The following NF2 variants were observed in gnomAD, a reference collection of about 807,000 sequenced individuals.
NF2 encodes the protein merlin.
In NF2, 8 loss-of-function variants were observed where a neutral mutation model predicts 83.7. The ratio of observed to expected loss-of-function variants is 0.10; its 90% CI spans 0.06 to 0.17. The LOEUF (loss-of-function observed/expected upper bound fraction) is 0.17. Ranked by LOEUF, NF2 falls within the 10% of genes least tolerant of loss-of-function variation. The pLI, the probability that NF2 is intolerant of heterozygous loss-of-function variation, is 1.00. For missense variants in NF2, 533 were observed against 744.4 expected (o/e 0.72, Z 3.31); for synonymous variants, 266 against 269.6 (o/e 0.99, Z 0.13).
chr22:29,646,377 T>A (rs2065982618), intron 4 of NF2, among the ~76,000 whole-genome samples: 1 of 152,228 alleles, frequency 6.6e-6, no homozygotes, highest in South Asian at 2.1e-4. Flanking sequence ...TGTCACTGTC[T>A]AGCTTGAGGG....
chr22:29,620,633 G>A (rs1470235960), intron 1 of NF2, among the ~76,000 whole-genome samples: 1 of 151,866 alleles, frequency 6.6e-6, no homozygotes, highest in Non-Finnish European at 1.5e-5. Context: ...CAGCTACTTG[G>A]GAGGCTGAGG....
chr22:29,603,775 C>T lies in NF2; in HGVS notation c.-224C>T. On this transcript the variant is annotated 5_prime_UTR_variant, in exon 1 of 16. Coordinates refer to ENST00000338641, the MANE Select transcript of NF2 (RefSeq NM_000268.4). ...GCACCGAAGGTCCCGGCTCCTGTGCCCTCCCTGCAGCCGTCAGGGCCCGTC... is the reference window on the plus strand; with the variant it reads ...GCACCGAAGGTCCCGGCTCCTGTGCTCTCCCTGCAGCCGTCAGGGCCCGTC... 1.8e-6 allele frequency: 1 copy of T among 547,306 alleles called. No homozygotes were observed. The highest frequency in any genetic ancestry group is 2.5e-5 in the South Asian group (1 of 40,142). The allele number at this position is 547,306 out of a possible 1,614,324, so 33.9% of individuals were successfully genotyped here.
At chr22:29,655,131 A>G (rs909499231) in intron 5 of NF2, among the ~76,000 whole-genome samples, 4 of 152,160 alleles carry the variant, frequency 2.6e-5, no homozygotes, top group Admixed American at 2.0e-4. Flanking sequence ...CATCTTATTC[A>G]TTAGCCACAG....
chr22:29,690,199 G>A (rs1330667310), intron 15 of NF2, among the ~76,000 whole-genome samples: 1 of 152,264 alleles, frequency 6.6e-6, no homozygotes, highest in Non-Finnish European at 1.5e-5. Flanking sequence ...AGGAGGAACA[G>A]TTGAAGATGC....
At chr22:29,644,450 C>T (rs1445918102) in intron 4 of NF2, among the ~76,000 whole-genome samples, 1 of 149,030 alleles carries the variant, frequency 6.7e-6, no homozygotes, top group Admixed American at 6.7e-5. Flanking sequence ...GGCAGCCAGG[C>T]AGAGGGGCTC....
chr22:29,645,114 A>C (rs2065947859), intron 4 of NF2, among the ~76,000 whole-genome samples: 1 of 152,240 alleles, frequency 6.6e-6, no homozygotes, highest in Admixed American at 6.5e-5. Flanking sequence ...ATGCAATTTC[A>C]GATCAAAGCC....
At chr22:29,683,538 G>A (rs1242622371) in intron 15 of NF2, 18 of 1,117,792 alleles carry the variant, frequency 1.6e-5, no homozygotes, top group Non-Finnish European at 1.8e-5. Context: ...TGGTAGTGGG[G>A]CAAAAGGGTT....
chr22:29,613,653 T>C (rs992513330), intron 1 of NF2, among the ~76,000 whole-genome samples: 2 of 152,188 alleles, frequency 1.3e-5, no homozygotes, highest in African/African-American at 4.8e-5. Flanking sequence ...CATGGTCACC[T>C]GATTCTTGAC....
At chr22:29,649,073 C>T (rs1014147503) in intron 4 of NF2, among the ~76,000 whole-genome samples, 7 of 151,696 alleles carry the variant, frequency 4.6e-5, no homozygotes, top group African/African-American at 1.7e-4. Context: ...TAATATCTCT[C>T]TATAATAGAT....
At chr22:29,655,471 TG>T in intron 5 of NF2, 122 bp from the exon 6 acceptor site, 1 of 759,640 alleles carries the variant, frequency 1.3e-6, no homozygotes, top group Non-Finnish European at 2.3e-6. Context: ...ACTATCTCCC[TG>T]GGTGTAGCTT....
rs149872138 is a variant in NF2, at chr22:29,664,956, C to A, written c.811-34C>A. ...AATTGCTGGTAACATTCCAGGCTGTCGGACTGAAACTGTGTTCTGCTTCAT... is the reference window on the plus strand; with the variant it reads ...AATTGCTGGTAACATTCCAGGCTGTAGGACTGAAACTGTGTTCTGCTTCAT... On this transcript the variant is annotated intron_variant, in intron 8 of 15. Coordinates refer to ENST00000338641, the MANE Select transcript of NF2 (RefSeq NM_000268.4). 3 of 1,486,772 alleles carry A rather than the reference C, an allele frequency of 2.0e-6. No homozygotes were observed. In the South Asian group the frequency reaches 3.4e-5, roughly 17 times the overall value. 92.1% of individuals were successfully genotyped at this position (1,486,772 alleles called of 1,614,324 possible).
chr22:29,629,976 T>C (rs1255973862), intron 1 of NF2, among the ~76,000 whole-genome samples: 1 of 152,230 alleles, frequency 6.6e-6, no homozygotes, highest in Non-Finnish European at 1.5e-5. Flanking sequence ...CTTTTCAAAC[T>C]GTGGCCTTTT....
At chr22:29,642,803 C>G (rs1268539592) in intron 4 of NF2, among the ~76,000 whole-genome samples, 1 of 152,104 alleles carries the variant, frequency 6.6e-6, no homozygotes, top group Non-Finnish European at 1.5e-5. Flanking sequence ...TGTGTGGACA[C>G]TACACTACAC....
chr22:29,662,863 C>A (rs1293434183), intron 8 of NF2, among the ~76,000 whole-genome samples: 1 of 152,236 alleles, frequency 6.6e-6, no homozygotes, highest in Non-Finnish European at 1.5e-5. Flanking sequence ...CACTCAGTGA[C>A]CTCCTGGTAC....
Position 29,648,232 on chromosome 22 carries a change from C to G in NF2, c.447+5947C>G, listed in dbSNP as rs191842088. 1.6e-3 allele frequency among the ~76,000 whole-genome samples: 236 copies of G among 151,808 alleles called. 1 individual carries two copies. The highest frequency in any genetic ancestry group is 2.6e-3 in the Non-Finnish European group (176 of 67,924). ...GCATAGAATTGACAGAAGAGGTGAA[C>G]CCCAATATAAAAAAAATCTTAAGTT... is the stretch of plus-strand genomic sequence containing the variant. On this transcript the variant is annotated intron_variant, in intron 4 of 15. Coordinates refer to ENST00000338641, the MANE Select transcript of NF2 (RefSeq NM_000268.4).
At chr22:29,661,831 C>T (rs2857642) in intron 8 of NF2, among the ~76,000 whole-genome samples, 56,653 of 151,818 alleles carry the variant, frequency 0.37, 11,267 homozygotes, top group Non-Finnish European at 0.47. Context: ...TTTCTGTGTC[C>T]GGTGCTTGAT....
chr22:29,644,723 G>A (rs1264161065), intron 4 of NF2, among the ~76,000 whole-genome samples: 56 of 152,128 alleles, frequency 3.7e-4, no homozygotes, highest in South Asian at 3.5e-3. Flanking sequence ...GCTGGAGACC[G>A]GCCCGGCCAA....
At chr22:29,649,065 A>C (rs2066066231) in intron 4 of NF2, among the ~76,000 whole-genome samples, 1 of 152,168 alleles carries the variant, frequency 6.6e-6, no homozygotes, top group African/African-American at 2.4e-5. Flanking sequence ...TATATGGATA[A>C]TATCTCTCTA....
At chr22:29,648,247 AATCTT>A (rs2066041496) in intron 4 of NF2, among the ~76,000 whole-genome samples, 1 of 152,190 alleles carries the variant, frequency 6.6e-6, no homozygotes, top group African/African-American at 2.4e-5. Flanking sequence ...ATATAAAAAA[AATCTT>A]AAGTTGATAA....
Sources: allele counts gnomAD v4.1 joint callset (sites outside exome capture counted in the v4.1 genomes callset), GRCh38; gene constraint gnomAD v4.1.1; transcripts MANE v1.5; gene names NCBI Gene and HGNC (gene_info 2026-07-23, HGNC 2026-07-21).